The following RNF17 variants were observed in gnomAD, a reference collection of about 807,000 sequenced individuals.
RNF17 encodes spermatogenesis associated 23.
Under a neutral mutation model 200.5 loss-of-function variants are expected in RNF17, and 31 were observed. The observed-to-expected ratio is 0.15, with a 90% CI of 0.12 to 0.21. The LOEUF (loss-of-function observed/expected upper bound fraction) is 0.21, where lower values mean the gene tolerates loss of function less well. RNF17 is among the 10% of genes least tolerant of loss of function. The probability of loss-of-function intolerance (pLI) is 1.00; values close to 1 mark genes in which losing one functional copy is unlikely to be tolerated. For missense variants in RNF17, 1,628 were observed against 1,905.1 expected, an observed-to-expected ratio of 0.85 and a Z score of 2.71; for synonymous variants, 606 against 637.8, an observed-to-expected ratio of 0.95 and a Z score of 0.75.
intron 25 of RNF17, among the ~76,000 whole-genome samples, chr13:24,858,575 GATATAT>G (rs397770900): frequency 2.8e-5 from 4 of 143,190 alleles, no homozygotes; most frequent in African/African-American, 1.0e-4. Flanking sequence ...ATCAGTTATG[GATATAT>G]ATATATATAT....
intron 9 of RNF17, 113 bp from the exon 10 acceptor site, chr13:24,792,929 A>C (rs1248908222): frequency 1.4e-6 from 1 of 720,078 alleles, no homozygotes; most frequent in East Asian, 2.6e-5. Flanking sequence ...CTATTGAATA[A>C]TCATGCCCAA....
the RNF17 span, among the ~76,000 whole-genome samples, chr13:24,757,009 G>T: frequency 6.6e-6 from 1 of 152,104 alleles, no homozygotes; most frequent in Non-Finnish European, 1.5e-5. Context: ...TGGGAAAAGA[G>T]GGTGCTGGAG....
chr13:24,802,354 A>G, intron 13 of RNF17, 27 bp from the exon 14 acceptor site: 1 of 1,563,846 alleles, frequency 6.4e-7, no homozygotes, highest in Middle Eastern at 1.8e-4. Context: ...ACAATTAATT[A>G]CTATGGAATT....
At chr13:24,860,657 A>G (rs1356725373) in intron 26 of RNF17, among the ~76,000 whole-genome samples, 1 of 152,222 alleles carries the variant, frequency 6.6e-6, no homozygotes. Context: ...AAGACAATTT[A>G]GAAATTGAAT....
chr13:24,801,446 C>G (rs1367679880), intron 13 of RNF17, among the ~76,000 whole-genome samples: 1 of 152,072 alleles, frequency 6.6e-6, no homozygotes, highest in Non-Finnish European at 1.5e-5. Context: ...AGTTTGAGAC[C>G]AGCCTGGGCA....
intron 27 of RNF17, among the ~76,000 whole-genome samples, chr13:24,861,824 T>G (rs1479819042): frequency 6.6e-6 from 1 of 152,208 alleles, no homozygotes; most frequent in Admixed American, 6.5e-5. Flanking sequence ...CTGGTTTGTT[T>G]TGACAAGGGG....
At chr13:24,789,315 TCA>T in intron 7 of RNF17, 31 bp from the exon 8 acceptor site, 1 of 1,373,632 alleles carries the variant, frequency 7.3e-7, no homozygotes. Context: ...GTGACAAGAT[TCA>T]CACATGAATG....
chr13:24,748,434 C>A, the RNF17 span, among the ~76,000 whole-genome samples: 2 of 152,206 alleles, frequency 1.3e-5, no homozygotes, highest in African/African-American at 4.8e-5. Flanking sequence ...GTGGCAGAAG[C>A]TTGTTCAAGT....
intron 15 of RNF17, among the ~76,000 whole-genome samples, chr13:24,815,687 A>G (rs1887314429): frequency 6.6e-6 from 1 of 152,130 alleles, no homozygotes; most frequent in Admixed American, 6.6e-5. Flanking sequence ...ACCATTGAGT[A>G]TGATATTATC....
In RNF17 at chr13:24,861,855, C is replaced by T. The variant is rs193178970; in HGVS notation, c.3894+468C>T. On this transcript the variant is annotated intron_variant, in intron 27 of 35. Coordinates refer to ENST00000255324, the MANE Select transcript of RNF17 (RefSeq NM_031277.3). ...AGGGGTCTGTATTAGTCCATTTTCA[C>T]ACTGCTATAAAGATACTACCTAAGA... is the stretch of plus-strand genomic sequence containing the variant. 4.6e-5 allele frequency among the ~76,000 whole-genome samples: 7 copies of T among 152,272 alleles called. No homozygotes were observed. The East Asian group carries it at 1.2e-3, about 25-fold the overall frequency.
intron 10 of RNF17, among the ~76,000 whole-genome samples, chr13:24,795,723 G>T (rs967620992): frequency 6.6e-6 from 1 of 152,136 alleles, no homozygotes; most frequent in African/African-American, 2.4e-5. Flanking sequence ...GTAGAGTATA[G>T]ATGGAACTGG....
In RNF17 at chr13:24,792,110, C is replaced by G. The variant is rs181613366; in HGVS notation, c.936-932C>G. Reference sequence around the variant, plus strand: ...TTACATGGATAATCAACAACCTTTGCAATCAATATGTTCTTTTTGACATTT... The same window carrying G: ...TTACATGGATAATCAACAACCTTTGGAATCAATATGTTCTTTTTGACATTT... On this transcript the variant is annotated intron_variant, in intron 9 of 35. Coordinates refer to ENST00000255324, the MANE Select transcript of RNF17 (RefSeq NM_031277.3). 2.5e-3 allele frequency among the ~76,000 whole-genome samples: 377 copies of G among 152,256 alleles called. 1 individual carries two copies. The highest frequency in any genetic ancestry group is 8.6e-3 in the African/African-American group (357 of 41,544).
chr13:24,822,523 G>C (rs1390023759), intron 15 of RNF17, among the ~76,000 whole-genome samples: 1 of 151,986 alleles, frequency 6.6e-6, no homozygotes, highest in Non-Finnish European at 1.5e-5. Context: ...CCAGGTTCAA[G>C]CAATTCTTCT....
At chr13:24,840,232 A>T (rs2121251) in intron 18 of RNF17, among the ~76,000 whole-genome samples, 63,240 of 151,932 alleles carry the variant, frequency 0.42, 13,204 homozygotes, top group Admixed American at 0.45. Flanking sequence ...AAAACAATAG[A>T]TGCATGCGTG....
At position 24,778,499 on chromosome 13, in the gene RNF17, T is replaced by G. The variant is rs928940846; in HGVS notation, c.429+93T>G. 7.9e-5 allele frequency: 66 copies of G among 835,442 alleles called. No homozygotes were observed. In the African/African-American group the frequency reaches 9.6e-4, roughly 12 times the overall value. The allele number at this position is 835,442 out of a possible 1,614,324, so 51.8% of individuals were successfully genotyped here. Reference sequence around the variant, plus strand: ...TTTCTTCTCCTATAATTATAGATTCTTTTGGAAGTTTATACGTAACAAGTT... The same window carrying G: ...TTTCTTCTCCTATAATTATAGATTCGTTTGGAAGTTTATACGTAACAAGTT... On this transcript the variant is annotated intron_variant, in intron 4 of 35. Transcript: ENST00000255324.
intron 23 of RNF17, 76 bp from the exon 24 acceptor site, chr13:24,851,380 C>A: frequency 1.0e-6 from 1 of 964,046 alleles, no homozygotes; most frequent in South Asian, 1.4e-5. Context: ...AGAAGAACTG[C>A]CTGTGAAATG....
chr13:24,758,506 T>G, the RNF17 span, among the ~76,000 whole-genome samples: 1 of 152,184 alleles, frequency 6.6e-6, no homozygotes, highest in Non-Finnish European at 1.5e-5. Flanking sequence ...TGGAAGCTGA[T>G]ACAGAAGGAG....
At chr13:24,802,698 G>T in intron 14 of RNF17, 127 bp downstream of exon 14, 1 of 661,508 alleles carries the variant, frequency 1.5e-6, no homozygotes, top group East Asian at 2.8e-5. Flanking sequence ...GAAAAATATT[G>T]CTCTTAGACT....
intron 22 of RNF17, 116 bp from the exon 23 acceptor site, chr13:24,850,225 C>G (rs1224022990): frequency 4.0e-6 from 2 of 496,744 alleles, no homozygotes; most frequent in Non-Finnish European, 6.9e-6. Context: ...GTTTTTTTTA[C>G]TACATATAGT....
Sources: allele counts gnomAD v4.1 joint callset (sites outside exome capture counted in the v4.1 genomes callset), GRCh38; gene constraint gnomAD v4.1.1; transcripts MANE v1.5; gene names NCBI Gene and HGNC (gene_info 2026-07-23, HGNC 2026-07-21).